HSPG2: variants seen among roughly 807,000 people sequenced by gnomAD.
HSPG2 encodes the protein heparan sulfate proteoglycan 2.
HSPG2 carries 278 observed loss-of-function variants against 526.6 expected under a neutral mutation model. That is an observed-to-expected ratio of 0.53 (90% CI 0.48 to 0.58). The LOEUF is 0.58. Ranked by LOEUF, HSPG2 falls within the 20% of genes least tolerant of loss-of-function variation. HSPG2 has a pLI of 0.00. For synonymous variants in HSPG2, 2,465 were observed against 2,555.4 expected (o/e 0.96, Z 1.07); for missense variants, 5,354 against 6,099.5 (o/e 0.88, Z 4.07).
Position 21,824,226 on chromosome 1 carries a change from A to C in HSPG2, c.12816-22T>G. 1 of 1,613,448 alleles carries C rather than the reference A, an allele frequency of 6.2e-7. No individual in the cohort carries two copies. Among genetic ancestry groups the C allele is most frequent in the Non-Finnish European group, 8.5e-7 (1 of 1,179,722 alleles). On this transcript the variant is annotated intron_variant, in intron 94 of 96. Transcript: ENST00000374695. The surrounding 1 kb of genome is among the most constrained non-coding windows in gnomAD (Gnocchi z 5.9). ...GTACCTGCAGTCATCCAGGCCCAAG[A>C]AGTATGAGCTGGGGCAGGACCGGGG... is the stretch of plus-strand genomic sequence containing the variant.
At chr1:21,844,049 C>G in intron 65 of HSPG2, 99 bp downstream of exon 65, 1 of 1,511,494 alleles carries the variant, frequency 6.6e-7, no homozygotes, top group African/African-American at 1.4e-5. Flanking sequence ...CCATTTCCCA[C>G]AAGCCCCAGT....
Position 21,822,351 on chromosome 1 carries a change from T to C in HSPG2, c.*965A>G. 2.4e-6 allele frequency: 2 copies of C among 818,328 alleles called. No homozygotes were observed. The highest frequency in any genetic ancestry group is 3.0e-5 in the South Asian group (2 of 66,922). 50.7% of individuals were successfully genotyped at this position (818,328 alleles called of 1,614,324 possible). A position where few individuals can be genotyped will look rare whatever the true frequency, so the allele number is the denominator to read the frequency against. ...CCCAACCCCACAGTCTGGGGGCCAC[T>C]GGCAGGATGGCACTTGAGCTGGATC... On this transcript the variant is annotated 3_prime_UTR_variant, in exon 97 of 97. Coordinates refer to ENST00000374695, the MANE Select transcript of HSPG2 (RefSeq NM_005529.7).
chr1:21,827,076 C>T (rs2097979110), intron 91 of HSPG2, among the ~76,000 whole-genome samples: 1 of 151,952 alleles, frequency 6.6e-6, no homozygotes, highest in South Asian at 2.1e-4. Context: ...GGTGTGGTGG[C>T]AGGCACCTGT....
chr1:21,846,583 C>A lies in HSPG2; in HGVS notation c.8181G>T (p.Met2727Ile). 1 of 1,613,634 alleles carries A rather than the reference C, an allele frequency of 6.2e-7. No homozygotes were observed. Residue 2727 changes from methionine to isoleucine, a missense_variant, in exon 63 of 97, where the codon ATG (methionine) becomes ATT (isoleucine). Transcript: ENST00000374695. Reference protein sequence around the residue: ...AGSPSAPGSSMPIRIESSSSH... With the variant: ...AGSPSAPGSSIPIRIESSSSH... ...AGGAGGATGACTCAATTCTGATGGG[C>A]ATGGAGCTGCCAGGGGCTGGGGGAA...
chr1:21,868,459 G>A (rs1263200748), intron 33 of HSPG2, among the ~76,000 whole-genome samples: 1 of 152,120 alleles, frequency 6.6e-6, no homozygotes, highest in Non-Finnish European at 1.5e-5. Flanking sequence ...GATGGTGACA[G>A]GAATGATAAT....
At chr1:21,900,546 TAA>T in intron 1 of HSPG2, among the ~76,000 whole-genome samples, 1 of 151,760 alleles carries the variant, frequency 6.6e-6, no homozygotes, top group Admixed American at 6.6e-5. Flanking sequence ...TGGGTGAGGA[TAA>T]AGAGGCAGAC....
intron 74 of HSPG2, among the ~76,000 whole-genome samples, chr1:21,837,306 G>A (rs2098030460): frequency 6.6e-6 from 1 of 152,214 alleles, no homozygotes; most frequent in Middle Eastern, 3.2e-3. Flanking sequence ...TTTTGAGACG[G>A]AGTCTCGCTC....
intron 90 of HSPG2, 44 bp downstream of exon 90, chr1:21,827,986 G>A (rs757240053): frequency 4.3e-6 from 7 of 1,612,830 alleles, no homozygotes; most frequent in African/African-American, 1.3e-5. Flanking sequence ...GAGCTCCGGG[G>A]CCCCAAGACA....
At chr1:21,932,359 T>C (rs1198021020) in intron 1 of HSPG2, among the ~76,000 whole-genome samples, 1 of 152,202 alleles carries the variant, frequency 6.6e-6, no homozygotes, top group African/African-American at 2.4e-5. Flanking sequence ...GATATGTAAG[T>C]CACTGGGCAA....
At chr1:21,883,269 G>A (rs1641641359) in intron 13 of HSPG2, among the ~76,000 whole-genome samples, 1 of 152,240 alleles carries the variant, frequency 6.6e-6, no homozygotes, top group East Asian at 1.9e-4. Flanking sequence ...TGGTGGCCAC[G>A]GCCATTAGCA....
chr1:21,891,950 TC>T (rs1248371695), intron 3 of HSPG2, among the ~76,000 whole-genome samples: 2 of 152,238 alleles, frequency 1.3e-5, no homozygotes, highest in Non-Finnish European at 2.9e-5. Flanking sequence ...ATTTGTGAAT[TC>T]ATGTATGTGA....
intron 66 of HSPG2, 134 bp from the exon 67 acceptor site, chr1:21,843,055 G>A: frequency 2.7e-6 from 3 of 1,109,846 alleles, no homozygotes; most frequent in Admixed American, 4.1e-5. Context: ...TATAACCTAA[G>A]AAGGGTCTCC....
intron 50 of HSPG2, chr1:21,853,751 AAAAAT>A (rs60801691): frequency 0.021 from 3,109 of 148,284 alleles, 67 homozygotes; most frequent in East Asian, 0.062. Context: ...TCTCTCTCAA[AAAAAT>A]AAAATAAAAT....
At position 21,865,744 on chromosome 1, in the gene HSPG2, T is replaced by C. The variant is rs2152737444; in HGVS notation, c.4287A>G (p.Pro1429=). Residue 1429 remains proline (P), a synonymous_variant, in exon 34 of 97, where the codon CCA becomes CCG. Coordinates refer to ENST00000374695, the MANE Select transcript of HSPG2 (RefSeq NM_005529.7). The surrounding 1 kb of genome is among the most constrained non-coding windows in gnomAD (Gnocchi z 5.4). ...LSYTAGPQGS[P]LSDPDVQITG... ...TGATCTGCACATCGGGGTCAGAGAG[T>C]GGGCTGCCCTGTGGGCCTGCTGTGT... is the stretch of plus-strand genomic sequence containing the variant. 1 of 1,613,620 alleles carries C rather than the reference T, an allele frequency of 6.2e-7. No individual in the cohort carries two copies. The highest frequency in any genetic ancestry group is 8.5e-7 in the Non-Finnish European group (1 of 1,179,926).
chr1:21,866,233 C>T (rs1242248193), intron 33 of HSPG2, among the ~76,000 whole-genome samples: 1 of 152,188 alleles, frequency 6.6e-6, no homozygotes, highest in Non-Finnish European at 1.5e-5. Context: ...GGCCTTGCCT[C>T]CTAGGCAGGT....
In HSPG2 at chr1:21,834,791, G is replaced by C. The variant is rs549166484; in HGVS notation, c.10608C>G (p.Ser3536Arg). The C allele has an allele frequency of 6.2e-7, 1 of 1,614,184 alleles. No homozygotes were observed. The highest frequency in any genetic ancestry group is 1.7e-5 in the Admixed American group (1 of 60,034). ...GGHLRPGIVQSGGVVRIAHVE... is the reference protein window; with the variant it reads ...GGHLRPGIVQRGGVVRIAHVE... ...CGTGGGCGATCCTGACGACACCTCCGCTCTGCACAATGCCTGGCCGCAGGT... is the reference window on the plus strand; with the variant it reads ...CGTGGGCGATCCTGACGACACCTCCCCTCTGCACAATGCCTGGCCGCAGGT... Residue 3536 changes from serine to arginine, a missense_variant, in exon 77 of 97, where the codon AGC (serine) becomes AGG (arginine). Coordinates refer to ENST00000374695, the MANE Select transcript of HSPG2 (RefSeq NM_005529.7).
Position 21,847,593 on chromosome 1 carries a change from G to A in HSPG2, c.8025+96C>T, listed in dbSNP as rs1304435274. 6.2e-6 allele frequency: 10 copies of A among 1,604,088 alleles called. No individual in the cohort carries two copies. The Admixed American group carries it at 6.7e-5, about 11-fold the overall frequency. On this transcript the variant is annotated intron_variant, in intron 61 of 96. Transcript: ENST00000374695. This position sits in a 1 kb window ranked among gnomAD's most constrained non-coding sequence, Gnocchi z 4.1. Reference sequence around the variant, plus strand: ...TGCTCAGCCTGTTGAGGCTGCTATCGGTCTACCCAGGGCCCAATCCGTGAG... The same window carrying A: ...TGCTCAGCCTGTTGAGGCTGCTATCAGTCTACCCAGGGCCCAATCCGTGAG...
intron 1 of HSPG2, among the ~76,000 whole-genome samples, chr1:21,925,673 C>T (rs1465028376): frequency 6.6e-5 from 10 of 152,144 alleles, no homozygotes; most frequent in Admixed American, 6.5e-4. Context: ...GGCAGACATG[C>T]AGCCTCCTAT....
rs1448802998 is a variant in HSPG2, at chr1:21,865,840, C to A, written c.4222-31G>T. The stretch of plus-strand genomic sequence containing the variant: ...AAGAGGCAAGCCCAGAGGTCACAGG[C>A]TGACCTTGGGGTGTGAGTGTTGGAC... On this transcript the variant is annotated intron_variant, in intron 33 of 96. Transcript: ENST00000374695. This position sits in a 1 kb window ranked among gnomAD's most constrained non-coding sequence, Gnocchi z 5.4. 12 of 1,555,342 alleles carry A rather than the reference C, an allele frequency of 7.7e-6. No homozygotes were observed. The highest frequency in any genetic ancestry group is 1.7e-5 in the Admixed American group (1 of 59,956).
Sources: gnomAD v4.1 joint callset for allele counts (sites outside exome capture counted in the v4.1 genomes callset) on GRCh38, gnomAD v4.1.1 for gene constraint, Gnocchi (gnomAD v3.1) non-coding constraint, MANE v1.5 for transcripts, NCBI Gene and HGNC (gene_info 2026-07-23, HGNC 2026-07-21) for gene names.